Variants in FAT3 observed in about 807,000 individuals in gnomAD.
The protein encoded by FAT3 is protocadherin Fat 3.
Under a neutral mutation model 310.2 loss-of-function variants are expected in FAT3, and 95 were observed. The ratio of observed to expected loss-of-function variants is 0.31; its 90% CI spans 0.26 to 0.36. The LOEUF is 0.36. FAT3 is among the 10% of genes least tolerant of loss of function. The pLI is 1.00. For synonymous variants in FAT3, 2,314 were observed against 2,192.9 expected (o/e 1.06, Z -1.54); for missense variants, 5,408 against 5,715.6 (o/e 0.95, Z 1.74).
chr11:92,821,136 C>T (rs1399126789), intron 13 of FAT3, among the ~76,000 whole-genome samples: 1 of 152,136 alleles, frequency 6.6e-6, no homozygotes, highest in Non-Finnish European at 1.5e-5. Flanking sequence ...AAATGCCATC[C>T]TATTAGATCT....
chr11:92,372,708 T>A (rs1201835285), intron 2 of FAT3, among the ~76,000 whole-genome samples: 2 of 152,052 alleles, frequency 1.3e-5, no homozygotes, highest in Non-Finnish European at 2.9e-5. Flanking sequence ...TCACCCAGGC[T>A]GGTGTGCAGT....
At chr11:92,518,588 C>A (rs1301618796) in intron 2 of FAT3, among the ~76,000 whole-genome samples, 1 of 151,892 alleles carries the variant, frequency 6.6e-6, no homozygotes, top group Non-Finnish European at 1.5e-5. Flanking sequence ...TGCAGCAAAT[C>A]ACCATGGCAC....
intron 3 of FAT3, among the ~76,000 whole-genome samples, chr11:92,550,540 T>C (rs971509324): frequency 3.9e-5 from 6 of 152,048 alleles, no homozygotes; most frequent in Non-Finnish European, 8.8e-5. Context: ...CCACTGGGAG[T>C]ATTGGCCAAA....
intron 7 of FAT3, among the ~76,000 whole-genome samples, chr11:92,789,014 G>C (rs574949679): frequency 3.3e-5 from 5 of 152,120 alleles, no homozygotes; most frequent in Non-Finnish European, 7.4e-5. Flanking sequence ...ATATATGTGT[G>C]TATATGTGAT....
intron 3 of FAT3, among the ~76,000 whole-genome samples, chr11:92,598,090 TGTTC>T: frequency 1.3e-5 from 2 of 151,908 alleles, no homozygotes; most frequent in Non-Finnish European, 2.9e-5. Flanking sequence ...ACCAGGTGGG[TGTTC>T]ACCCAGAAGT....
chr11:92,795,661 A>G (rs952384396), intron 9 of FAT3, among the ~76,000 whole-genome samples: 2 of 152,102 alleles, frequency 1.3e-5, no homozygotes, highest in Non-Finnish European at 2.9e-5. Context: ...CTGTAATCCC[A>G]GCATTTTTGG....
intron 1 of FAT3, among the ~76,000 whole-genome samples, chr11:92,322,393 T>G (rs1041276142): frequency 1.3e-5 from 2 of 152,214 alleles, no homozygotes; most frequent in African/African-American, 4.8e-5. Flanking sequence ...GCCTCGATGT[T>G]GATGGCTGCT....
At chr11:92,447,254 TG>T (rs1310978845) in intron 2 of FAT3, among the ~76,000 whole-genome samples, 1 of 151,456 alleles carries the variant, frequency 6.6e-6, no homozygotes. Context: ...TGTGTGTGTG[TG>T]TACAGTGGTT....
chr11:92,644,768 G>C (rs150054717), intron 3 of FAT3, among the ~76,000 whole-genome samples: 4 of 152,310 alleles, frequency 2.6e-5, no homozygotes, highest in Non-Finnish European at 4.4e-5. Flanking sequence ...TTGCACTTTG[G>C]GGGCAGAGTC....
chr11:92,360,305 A>G (rs1427496486), intron 2 of FAT3, among the ~76,000 whole-genome samples: 2 of 152,254 alleles, frequency 1.3e-5, no homozygotes, highest in African/African-American at 4.8e-5. Flanking sequence ...CTGCGAATCA[A>G]ACCATACCTT....
chr11:92,389,559 A>G lies in FAT3; in HGVS notation c.3292+34155A>G, dbSNP rs986920042. ...TTAAATGGTAAAGACTAATGATATT[A>G]GAATATCTTAAGGCAGAACGGACCT... On this transcript the variant is annotated intron_variant, in intron 2 of 27. Transcript: ENST00000525166. Among the ~76,000 whole-genome samples the G allele has an allele frequency of 4.6e-5, 7 of 152,234 alleles. No homozygotes were observed. In the East Asian group the frequency reaches 1.2e-3, roughly 25 times the overall value.
At chr11:92,704,929 C>G (rs1210922668) in intron 4 of FAT3, among the ~76,000 whole-genome samples, 1 of 152,176 alleles carries the variant, frequency 6.6e-6, no homozygotes, top group Admixed American at 6.5e-5. Context: ...AGAAAAACCT[C>G]TGTCTAAATT....
rs200404766 is a variant in FAT3, at chr11:92,836,701, C to G, written c.10222C>G (p.Arg3408Gly). 3 of 1,612,718 alleles carry G rather than the reference C, an allele frequency of 1.9e-6. No homozygotes were observed. Among genetic ancestry groups the G allele is most frequent in the Non-Finnish European group, 1.7e-6 (2 of 1,179,392 alleles). Residue 3408 changes from arginine (R) to glycine (G), a missense_variant and splice_region_variant, in exon 16 of 28, where the codon CGG becomes GGG. This residue lies in a region of FAT3 where 4,588 missense variants were observed against 4,809.8 expected (regional missense o/e 0.95). Transcript: ENST00000525166. ...AGTTAAGAAGAAATTGGACCGGGAACGGGTAAGCTAGTTTAGGACAGTTTC... is the reference window on the plus strand; with the variant it reads ...AGTTAAGAAGAAATTGGACCGGGAAGGGGTAAGCTAGTTTAGGACAGTTTC... ...VKVKKKLDRERVSGYSLLVQA... is the reference protein window; with the variant it reads ...VKVKKKLDREGVSGYSLLVQA...
chr11:92,630,698 T>G (rs1329609540), intron 3 of FAT3, among the ~76,000 whole-genome samples: 1 of 152,240 alleles, frequency 6.6e-6, no homozygotes, highest in Non-Finnish European at 1.5e-5. Flanking sequence ...AAATATTTCT[T>G]GGATGTGTTT....
rs1565296334 is a variant in FAT3, at chr11:92,412,731, ATATATATAT to A, written c.3292+57328_3292+57336del. Among the ~76,000 whole-genome samples, 305 of 49,406 alleles carry A rather than the reference ATATATATAT, an allele frequency of 6.2e-3. 34 individuals are homozygous for A. Among genetic ancestry groups the A allele is most frequent in the African/African-American group, 0.02 (292 of 14,406 alleles). The allele number at this position is 49,406 out of a possible 152,430, so 32.4% of individuals were successfully genotyped here. On this transcript the variant is annotated intron_variant, in intron 2 of 27. Coordinates refer to ENST00000525166, the MANE Select transcript of FAT3 (RefSeq NM_001367949.2). Reference sequence around the variant, plus strand: ...TATATATATATATATATATATATATATATATATATATATAAATATACATACATATATATA... The same window carrying A: ...TATATATATATATATATATATATATAATATAAATATACATACATATATATA...
intron 3 of FAT3, among the ~76,000 whole-genome samples, chr11:92,601,820 A>G (rs1227758874): frequency 6.6e-6 from 1 of 152,114 alleles, no homozygotes; most frequent in Non-Finnish European, 1.5e-5. Flanking sequence ...CATTCGTTCC[A>G]AGGCTTGATT....
At chr11:92,526,906 A>T (rs1294108688) in intron 3 of FAT3, among the ~76,000 whole-genome samples, 1 of 152,190 alleles carries the variant, frequency 6.6e-6, no homozygotes, top group Non-Finnish European at 1.5e-5. Flanking sequence ...CTGCTTTTTT[A>T]TCCATTTATT....
intron 3 of FAT3, among the ~76,000 whole-genome samples, chr11:92,636,007 A>G (rs1941754496): frequency 1.3e-5 from 2 of 152,214 alleles, no homozygotes; most frequent in East Asian, 1.9e-4. Context: ...TCTGTCGCCC[A>G]GACTCGAATG....
chr11:92,466,877 CCAA>C (rs1211283738), intron 2 of FAT3, among the ~76,000 whole-genome samples: 5 of 151,682 alleles, frequency 3.3e-5, no homozygotes, highest in African/African-American at 9.7e-5. Flanking sequence ...ATGATGATTT[CCAA>C]TTTCATCCAT....
Sources: allele counts gnomAD v4.1 joint callset (sites outside exome capture counted in the v4.1 genomes callset), GRCh38; gene constraint gnomAD v4.1.1; regional missense constraint gnomAD v4.1.1; transcripts MANE v1.5; gene names NCBI Gene and HGNC (gene_info 2026-07-23, HGNC 2026-07-21).